The following CNTNAP5 variants were observed in gnomAD, a reference collection of about 807,000 sequenced individuals.
The protein encoded by CNTNAP5 is contactin associated protein family member 5, also known as contactin-associated protein-like 5.
In CNTNAP5, 72 loss-of-function variants were observed where a neutral mutation model predicts 150.2. The ratio of observed to expected loss-of-function variants is 0.48; its 90% CI spans 0.40 to 0.58. The LOEUF (loss-of-function observed/expected upper bound fraction) is 0.58, where lower values mean the gene tolerates loss of function less well. CNTNAP5 is among the 20% of genes least tolerant of loss of function. The pLI is 0.00. For synonymous variants in CNTNAP5, 672 were observed against 619.8 expected, an observed-to-expected ratio of 1.08 and a Z score of -1.25; for missense variants, 1,636 against 1,626.2, an observed-to-expected ratio of 1.01 and a Z score of -0.10.
chr2:124,420,062 C>T (rs2104780418), intron 4 of CNTNAP5, among the ~76,000 whole-genome samples: 1 of 144,426 alleles, frequency 6.9e-6, no homozygotes, highest in Admixed American at 7.1e-5. Context: ...ATGATCTCAG[C>T]TCACTGCAAC....
chr2:124,450,718 G>GA (rs1401217058), intron 6 of CNTNAP5, among the ~76,000 whole-genome samples: 2 of 151,860 alleles, frequency 1.3e-5, no homozygotes, highest in African/African-American at 4.8e-5. Flanking sequence ...AAGGGCTTTA[G>GA]AAAAAAAGAT....
chr2:124,692,092 G>T (rs1025629701), intron 13 of CNTNAP5, among the ~76,000 whole-genome samples: 3 of 152,128 alleles, frequency 2.0e-5, no homozygotes, highest in Non-Finnish European at 4.4e-5. Context: ...GGATGAAAAA[G>T]TTCTCAGTTC....
chr2:124,340,987 G>A (rs1689601230), intron 3 of CNTNAP5, among the ~76,000 whole-genome samples: 1 of 151,458 alleles, frequency 6.6e-6, no homozygotes, highest in Admixed American at 6.6e-5. Context: ...AAGATGGGAA[G>A]ACTGCTTCAG....
In CNTNAP5 at chr2:124,283,074, G is replaced by A. The variant is rs538060701; in HGVS notation, c.381+40681G>A. On this transcript the variant is annotated intron_variant, in intron 3 of 23. Transcript: ENST00000682447. Reference sequence around the variant, plus strand: ...TATTCCTACCTTAACTTTGCTCTTGGCTGGCTGTCCAGGATTTGCTTGCCT... The same window carrying A: ...TATTCCTACCTTAACTTTGCTCTTGACTGGCTGTCCAGGATTTGCTTGCCT... Among the ~76,000 whole-genome samples, 23 of 151,768 alleles carry A rather than the reference G, an allele frequency of 1.5e-4. No homozygotes were observed. The South Asian group carries it at 4.8e-3, about 32-fold the overall frequency.
At chr2:124,116,554 C>A (rs890955724) in intron 1 of CNTNAP5, among the ~76,000 whole-genome samples, 7 of 152,184 alleles carry the variant, frequency 4.6e-5, no homozygotes, top group African/African-American at 7.2e-5. Flanking sequence ...CACAGACTCC[C>A]CACCTGTGCA....
intron 3 of CNTNAP5, among the ~76,000 whole-genome samples, chr2:124,331,390 A>G (rs1689346163): frequency 6.6e-6 from 1 of 152,096 alleles, no homozygotes; most frequent in African/African-American, 2.4e-5. Context: ...AACACATATG[A>G]ATAGTATATC....
intron 1 of CNTNAP5, among the ~76,000 whole-genome samples, chr2:124,167,058 C>T (rs754315613): frequency 2.0e-5 from 3 of 151,988 alleles, no homozygotes; most frequent in East Asian, 1.9e-4. Context: ...TTTGTCCTGT[C>T]GTCTTCTCTA....
rs115436587 is a variant in CNTNAP5 at position 124,914,143 on chromosome 2, C to T, written c.3779C>T (p.Thr1260Ile). Residue 1260 changes from threonine (T) to isoleucine (I), a missense_variant, in exon 24 of 24, where the codon ACC becomes ATC. Thr to Ile is a moderately conservative substitution (Grantham distance 89, BLOSUM62 -1). Coordinates refer to ENST00000682447, the MANE Select transcript of CNTNAP5 (RefSeq NM_001367498.1). ...FIIFCIIGIM[T>I]RFLYQHKQSH... ...ATCTTCTGTATCATCGGCATCATGA[C>T]CCGGTTCCTCTACCAGCACAAGCAG... The T allele has an allele frequency of 1.2e-6, 2 of 1,612,590 alleles. No individual in the cohort carries two copies. The highest frequency in any genetic ancestry group is 2.2e-5 in the East Asian group (1 of 44,788).
chr2:124,454,087 A>C (rs971949369), intron 6 of CNTNAP5, among the ~76,000 whole-genome samples: 2 of 152,204 alleles, frequency 1.3e-5, no homozygotes, highest in African/African-American at 4.8e-5. Context: ...TAAATGCTCC[A>C]CTTAAAAGAT....
At chr2:124,663,165 A>G (rs1488634963) in intron 13 of CNTNAP5, among the ~76,000 whole-genome samples, 2 of 152,226 alleles carry the variant, frequency 1.3e-5, no homozygotes, top group South Asian at 4.1e-4. Context: ...GTAGGATTAC[A>G]CACCAATCTA....
chr2:124,759,060 A>T (rs1680901500), intron 14 of CNTNAP5, among the ~76,000 whole-genome samples: 1 of 152,118 alleles, frequency 6.6e-6, no homozygotes, highest in Non-Finnish European at 1.5e-5. Context: ...TTATGCAAGA[A>T]ATTAAAATTA....
At chr2:124,425,115 T>A (rs769850787) in intron 4 of CNTNAP5, among the ~76,000 whole-genome samples, 11 of 152,200 alleles carry the variant, frequency 7.2e-5, no homozygotes, top group Admixed American at 2.6e-4. Flanking sequence ...TTGTTTTGCA[T>A]TTACTCCCTG....
At chr2:124,878,769 G>A (rs1477960552) in intron 21 of CNTNAP5, among the ~76,000 whole-genome samples, 1 of 150,424 alleles carries the variant, frequency 6.6e-6, no homozygotes, top group African/African-American at 2.5e-5. Flanking sequence ...TGCAACCTCT[G>A]CCTCCTGAGT....
At chr2:124,448,791 A>T (rs1430542681) in intron 6 of CNTNAP5, among the ~76,000 whole-genome samples, 2 of 152,258 alleles carry the variant, frequency 1.3e-5, no homozygotes, top group African/African-American at 2.4e-5. Context: ...CAGCAAAAGC[A>T]TTCTATAAAA....
chr2:124,876,146 GAA>G (rs996651694), intron 21 of CNTNAP5, among the ~76,000 whole-genome samples: 7 of 152,012 alleles, frequency 4.6e-5, no homozygotes, highest in African/African-American at 7.2e-5. Context: ...CATGTGGAAA[GAA>G]AACCTCCCAC....
chr2:124,635,879 C>T (rs1049116294), intron 12 of CNTNAP5, among the ~76,000 whole-genome samples: 2 of 152,164 alleles, frequency 1.3e-5, no homozygotes, highest in African/African-American at 4.8e-5. Flanking sequence ...TCTCAGTGTG[C>T]ATGTGTTTGA....
Position 124,609,805 on chromosome 2 carries a change from C to T in CNTNAP5, c.1761C>T (p.Ile587=), listed in dbSNP as rs1231318164. ...CTGCTGCCTTTGTCTTTCCAGCCAT[C>T]TACGAGCAATCCTGCGAGGTGTACA... ...SYTGATCHNS[I]YEQSCEVYRH... Residue 587 remains isoleucine (I), a synonymous_variant, in exon 12 of 24, where the codon ATC becomes ATT. Transcript: ENST00000682447. 9 of 1,613,734 alleles carry T rather than the reference C, an allele frequency of 5.6e-6. No individual in the cohort carries two copies. The highest frequency in any genetic ancestry group is 7.6e-6 in the Non-Finnish European group (9 of 1,179,690).
intron 10 of CNTNAP5, among the ~76,000 whole-genome samples, chr2:124,555,999 TA>T (rs1046198374): frequency 4.6e-5 from 7 of 152,116 alleles, no homozygotes; most frequent in Admixed American, 1.3e-4. Flanking sequence ...AAATTATCTT[TA>T]AAAAAAATCT....
intron 3 of CNTNAP5, among the ~76,000 whole-genome samples, chr2:124,291,791 T>C (rs1016429129): frequency 1.3e-5 from 2 of 152,156 alleles, no homozygotes; most frequent in African/African-American, 2.4e-5. Context: ...GGTAACATAT[T>C]CCTCGGACAA....
Sources: gnomAD v4.1 joint callset for allele counts (sites outside exome capture counted in the v4.1 genomes callset) on GRCh38, gnomAD v4.1.1 for gene constraint, MANE v1.5 for transcripts, NCBI Gene and HGNC (gene_info 2026-07-23, HGNC 2026-07-21) for gene names.